RSPRY1: variants seen among roughly 807,000 people sequenced by gnomAD.
The protein encoded by RSPRY1 is ring finger and SPRY domain containing 1, also known as RING finger and SPRY domain-containing protein 1.
A neutral mutation model predicts 73.1 loss-of-function variants in RSPRY1; 23 were observed. The ratio of observed to expected loss-of-function variants is 0.31; its 90% CI spans 0.23 to 0.45. The LOEUF (loss-of-function observed/expected upper bound fraction) is 0.45. Among genes scored for constraint, RSPRY1 ranks in the 20% least tolerant of loss-of-function variants. The pLI is 1.00. For missense variants in RSPRY1, 448 were observed against 698.7 expected (o/e 0.64, Z 4.05); for synonymous variants, 226 against 251.4 (o/e 0.90, Z 0.95).
At position 57,239,238 on chromosome 16, in the gene RSPRY1, A is replaced by G. The variant is rs1295675936; in HGVS notation, c.*263A>G. Reference sequence around the variant, plus strand: ...GCCTGTGGTACTTCCATGAGAAACCATAGCAGACAATGCCCTCCCAAGTAC... The same window carrying G: ...GCCTGTGGTACTTCCATGAGAAACCGTAGCAGACAATGCCCTCCCAAGTAC... On this transcript the variant is annotated 3_prime_UTR_variant, in exon 15 of 15. Coordinates refer to ENST00000394420, the MANE Select transcript of RSPRY1 (RefSeq NM_133368.3). The G allele has an allele frequency of 1.4e-5, 3 of 215,536 alleles. No homozygotes were observed. Among genetic ancestry groups the G allele is most frequent in the Middle Eastern group, 1.6e-3 (1 of 642 alleles). 13.4% of individuals were successfully genotyped at this position (215,536 alleles called of 1,614,324 possible). A position where few individuals can be genotyped will look rare whatever the true frequency, so the allele number is the denominator to read the frequency against.
intron 1 of RSPRY1, among the ~76,000 whole-genome samples, chr16:57,199,604 A>G (rs1366750930): frequency 2.0e-5 from 3 of 152,238 alleles, no homozygotes; most frequent in Non-Finnish European, 4.4e-5. Flanking sequence ...GGTAGAGCAG[A>G]AGAGGAACTT....
At chr16:57,187,621 T>C (rs1412270022) in intron 1 of RSPRY1, among the ~76,000 whole-genome samples, 1 of 152,132 alleles carries the variant, frequency 6.6e-6, no homozygotes, top group Non-Finnish European at 1.5e-5. Context: ...ACCAAACGGG[T>C]TGCTGTTGAG....
chr16:57,209,281 T>G (rs1449949431), intron 4 of RSPRY1, 94 bp downstream of exon 4: 17 of 818,628 alleles, frequency 2.1e-5, no homozygotes, highest in Non-Finnish European at 3.4e-5. Context: ...TGTTTCATCT[T>G]TATACATTTG....
In RSPRY1 at chr16:57,209,175, A is replaced by G; in HGVS notation, c.504A>G (p.Pro168=). The change falls in exon 4 of 15, where the codon CCA becomes CCG. Residue 168 remains proline, a synonymous_variant. Transcript: ENST00000394420. ...TAACATTGTTACTAGATGAATGTCC[A>G]TTGCCCACTAAAGTAAGTTAATACT... The part of the protein sequence containing the change: ...AVITLLLDEC[P]LPTKDALQKL... The G allele has an allele frequency of 6.2e-7, 1 of 1,601,148 alleles. No homozygotes were observed. The highest frequency in any genetic ancestry group is 8.6e-7 in the Non-Finnish European group (1 of 1,169,308).
At chr16:57,233,494 C>T (rs1404027858) in intron 13 of RSPRY1, among the ~76,000 whole-genome samples, 1 of 152,172 alleles carries the variant, frequency 6.6e-6, no homozygotes, top group African/African-American at 2.4e-5. Flanking sequence ...ACCTCAGCCT[C>T]CTGAGTAGCT....
At chr16:57,209,400 G>C (rs1256423390) in intron 4 of RSPRY1, among the ~76,000 whole-genome samples, 3 of 151,806 alleles carry the variant, frequency 2.0e-5, no homozygotes, top group Non-Finnish European at 4.4e-5. Flanking sequence ...GTCTCACTCT[G>C]TTGCCCAGGC....
At chr16:57,216,806 C>CT (rs1207229211) in intron 7 of RSPRY1, 98 bp from the exon 8 acceptor site, 32 of 1,145,998 alleles carry the variant, frequency 2.8e-5, no homozygotes, top group Non-Finnish European at 4.1e-5. Context: ...GTCTCCAATT[C>CT]TTTAATTGCC....
chr16:57,224,482 A>G (rs935350356), intron 10 of RSPRY1: 2 of 152,234 alleles, frequency 1.3e-5, no homozygotes, highest in Non-Finnish European at 1.5e-5. Context: ...TGTATTTGGT[A>G]ATGTTTCCAT....
chr16:57,240,137 C>T lies in RSPRY1; in HGVS notation c.*1162C>T, dbSNP rs2075356363. The T allele has an allele frequency of 6.6e-6, 1 of 152,092 alleles. No homozygotes were observed. Among genetic ancestry groups the T allele is most frequent in the South Asian group, 2.1e-4 (1 of 4,828 alleles). The allele number at this position is 152,092 out of a possible 1,614,324, so 9.4% of individuals were successfully genotyped here. A position where few individuals can be genotyped will look rare whatever the true frequency, so the allele number is the denominator to read the frequency against. ...GCTGCCTTTCAATTTATGCCAAGTC[C>T]TTACAGAGTTTATACTTGAATAGTA... is the stretch of plus-strand genomic sequence containing the variant. On this transcript the variant is annotated 3_prime_UTR_variant, in exon 15 of 15. Coordinates refer to ENST00000394420, the MANE Select transcript of RSPRY1 (RefSeq NM_133368.3).
intron 14 of RSPRY1, 123 bp downstream of exon 14, chr16:57,235,351 T>A (rs2075284946): frequency 3.0e-6 from 2 of 673,104 alleles, no homozygotes; most frequent in Admixed American, 5.6e-5. Context: ...AAGTAGAACC[T>A]GGCTGTCTTC....
intron 1 of RSPRY1, among the ~76,000 whole-genome samples, chr16:57,190,430 T>C (rs2074333683): frequency 6.6e-6 from 1 of 152,140 alleles, no homozygotes; most frequent in Non-Finnish European, 1.5e-5. Context: ...AGTCTCAGGA[T>C]TGCAAAATAA....
chr16:57,216,508 A>G (rs2074942726), intron 7 of RSPRY1: 1 of 331,446 alleles, frequency 3.0e-6, no homozygotes, highest in Non-Finnish European at 5.5e-6. Flanking sequence ...GCTTCAGGCC[A>G]GGAATTCGAG....
chr16:57,193,537 G>C (rs1830351215), intron 1 of RSPRY1, among the ~76,000 whole-genome samples: 1 of 150,826 alleles, frequency 6.6e-6, no homozygotes, highest in Non-Finnish European at 1.5e-5. Flanking sequence ...CTGTCACCCA[G>C]GCTTGAGGGT....
intron 1 of RSPRY1, among the ~76,000 whole-genome samples, chr16:57,201,025 C>T (rs1416201164): frequency 4.0e-5 from 6 of 150,792 alleles, no homozygotes; most frequent in Admixed American, 4.0e-4. Context: ...CCCCCCACCT[C>T]CCTCCCGGAT....
intron 5 of RSPRY1, among the ~76,000 whole-genome samples, chr16:57,213,600 A>G (rs778144224): frequency 4.6e-5 from 7 of 152,248 alleles, no homozygotes; most frequent in Non-Finnish European, 7.3e-5. Context: ...TAGCTCAGCT[A>G]CTTACATCAC....
rs188618463 is a variant in RSPRY1, at chr16:57,189,194, C to T, written c.-156+2743C>T. On this transcript the variant is annotated intron_variant, in intron 1 of 14. Coordinates refer to ENST00000394420, the MANE Select transcript of RSPRY1 (RefSeq NM_133368.3). ...ATTTTTAGTAGAGAGGGAGTTTCACCGTGTTGGTCAGGCTGGTCTTGAACT... is the reference window on the plus strand; with the variant it reads ...ATTTTTAGTAGAGAGGGAGTTTCACTGTGTTGGTCAGGCTGGTCTTGAACT... Among the ~76,000 whole-genome samples the T allele has an allele frequency of 5.9e-3, 890 of 152,006 alleles. 7 individuals carry two copies. The highest frequency in any genetic ancestry group is 0.012 in the South Asian group (56 of 4,816).
chr16:57,230,095 C>T (rs2075191574), intron 11 of RSPRY1, among the ~76,000 whole-genome samples: 1 of 148,208 alleles, frequency 6.7e-6, no homozygotes, highest in East Asian at 2.0e-4. Context: ...ACTGCAACCT[C>T]CGCCTCCCGG....
At chr16:57,201,695 G>A (rs1214109978) in intron 1 of RSPRY1, among the ~76,000 whole-genome samples, 6 of 152,228 alleles carry the variant, frequency 3.9e-5, no homozygotes, top group African/African-American at 7.2e-5. Context: ...ACGCGACTCC[G>A]TCTGCCATCC....
intron 8 of RSPRY1, among the ~76,000 whole-genome samples, chr16:57,218,337 ATTTC>A (rs1282177001): frequency 1.3e-5 from 2 of 152,094 alleles, no homozygotes; most frequent in East Asian, 3.8e-4. Flanking sequence ...GTGTTTTAAA[ATTTC>A]TTTGTTTTGC....
Sources: gnomAD v4.1 joint callset for allele counts (sites outside exome capture counted in the v4.1 genomes callset) on GRCh38, gnomAD v4.1.1 for gene constraint, MANE v1.5 for transcripts, NCBI Gene and HGNC (gene_info 2026-07-23, HGNC 2026-07-21) for gene names.